TYR: variants seen among roughly 807,000 people sequenced by gnomAD.
TYR encodes tyrosinase, also known as LB24-AB.
A neutral mutation model predicts 51.5 loss-of-function variants in TYR; 58 were observed. The observed-to-expected ratio is 1.13, with a 90% CI of 0.91 to 1.40. TYR has a LOEUF of 1.40. TYR is among the 40% of genes most tolerant of loss of function. The probability of loss-of-function intolerance (pLI) is 0.00; values close to 1 mark genes in which losing one functional copy is unlikely to be tolerated. For missense variants in TYR, 732 were observed against 647.4 expected (o/e 1.13, Z -1.42); for synonymous variants, 263 against 235.2 (o/e 1.12, Z -1.08).
intron 3 of TYR, among the ~76,000 whole-genome samples, chr11:89,239,751 C>T (rs1216008876): frequency 6.6e-6 from 1 of 152,056 alleles, no homozygotes; most frequent in Non-Finnish European, 1.5e-5. Flanking sequence ...TCCATTTTCT[C>T]TTCTCTAAAG....
chr11:89,208,745 A>G (rs1943708325), intron 2 of TYR, among the ~76,000 whole-genome samples: 1 of 152,208 alleles, frequency 6.6e-6, no homozygotes, highest in Admixed American at 6.5e-5. Flanking sequence ...TACTTCTAAA[A>G]CATATCTAAT....
intron 2 of TYR, among the ~76,000 whole-genome samples, chr11:89,199,669 GCTC>G (rs1409037140): frequency 1.3e-5 from 2 of 152,110 alleles, no homozygotes; most frequent in African/African-American, 2.4e-5. Context: ...TGTACATCTA[GCTC>G]CTATTACATA....
chr11:89,178,769 G>T lies in TYR; in HGVS notation c.816G>T (p.Trp272Cys). ...LLSPASFFSSWQIVCSRLEEY... is the reference protein window; with the variant it reads ...LLSPASFFSSCQIVCSRLEEY... ...GCCCAGCATCATTCTTCTCCTCTTG[G>T]CAGGTAAGATATGCTAGATATACGA... Residue 272 changes from tryptophan to cysteine, a missense_variant, in exon 1 of 5, where the codon TGG becomes TGT. Coordinates refer to ENST00000263321, the MANE Select transcript of TYR (RefSeq NM_000372.5). 2 of 1,613,980 alleles carry T rather than the reference G, an allele frequency of 1.2e-6. No homozygotes were observed. Among genetic ancestry groups the T allele is most frequent in the Non-Finnish European group, 1.7e-6 (2 of 1,180,008 alleles).
intron 1 of TYR, among the ~76,000 whole-genome samples, chr11:89,190,883 T>C (rs1419386723): frequency 6.6e-6 from 1 of 152,176 alleles, no homozygotes; most frequent in African/African-American, 2.4e-5. Flanking sequence ...TATCTTACAA[T>C]TGCCTATAGT....
chr11:89,291,487 T>A (rs1944852811), intron 4 of TYR, among the ~76,000 whole-genome samples: 1 of 151,960 alleles, frequency 6.6e-6, no homozygotes, highest in Admixed American at 6.6e-5. Context: ...ACTTTTTTTT[T>A]ATTTTGGAAA....
At chr11:89,280,074 A>C (rs1249832717) in intron 3 of TYR, among the ~76,000 whole-genome samples, 1 of 151,530 alleles carries the variant, frequency 6.6e-6, no homozygotes, top group Non-Finnish European at 1.5e-5. Context: ...ATTTCAGTTG[A>C]CTACTCTGTT....
Position 89,284,945 on chromosome 11 carries a change from C to T in TYR, c.1357C>T (p.Gln453Ter), listed in dbSNP as rs62645924. 2 of 1,611,106 alleles carry T rather than the reference C, an allele frequency of 1.2e-6. No individual in the cohort carries two copies. Among genetic ancestry groups the T allele is most frequent in the South Asian group, 1.1e-5 (1 of 91,010 alleles). ...KDLGYDYSYL[Q>*]DSDPDSFQDY... ...TCTGGGCTATGACTATAGCTATCTA[C>T]AAGATTCAGGTAAAGTTTACTTTCT... is the stretch of plus-strand genomic sequence containing the variant. Residue 453 changes from glutamine to a stop codon, truncating the protein, a stop_gained, in exon 4 of 5, where the codon CAA (glutamine) becomes TAA (stop). Coordinates refer to ENST00000263321, the MANE Select transcript of TYR (RefSeq NM_000372.5). LOFTEE classifies it high-confidence loss of function.
chr11:89,258,906 G>A (rs1285576608), intron 3 of TYR, among the ~76,000 whole-genome samples: 1 of 152,100 alleles, frequency 6.6e-6, no homozygotes, highest in East Asian at 1.9e-4. Flanking sequence ...TCACTCAGCT[G>A]GAGTTACTCA....
chr11:89,252,470 A>T (rs1231765633), intron 3 of TYR, among the ~76,000 whole-genome samples: 1 of 151,736 alleles, frequency 6.6e-6, no homozygotes, highest in Non-Finnish European at 1.5e-5. Flanking sequence ...GTCCACATAA[A>T]TCAAAGACCC....
chr11:89,210,706 G>A (rs1197651720), intron 2 of TYR, among the ~76,000 whole-genome samples: 3 of 152,290 alleles, frequency 2.0e-5, no homozygotes, highest in African/African-American at 7.2e-5. Flanking sequence ...AGTGTTAAAG[G>A]CAGCCAGAGA....
At chr11:89,207,122 A>G (rs1213635212) in intron 2 of TYR, among the ~76,000 whole-genome samples, 1 of 152,036 alleles carries the variant, frequency 6.6e-6, no homozygotes, top group Non-Finnish European at 1.5e-5. Flanking sequence ...AATAATAAAG[A>G]TAGGAGCAGA....
chr11:89,249,072 T>C (rs1048369061), intron 3 of TYR, among the ~76,000 whole-genome samples: 2 of 152,002 alleles, frequency 1.3e-5, no homozygotes, highest in Non-Finnish European at 2.9e-5. Flanking sequence ...AAAGTTCTCT[T>C]TGAACATCTT....
At chr11:89,237,020 G>A (rs1486447022) in intron 3 of TYR, among the ~76,000 whole-genome samples, 1 of 152,058 alleles carries the variant, frequency 6.6e-6, no homozygotes, top group Non-Finnish European at 1.5e-5. Context: ...TTGGCAAATG[G>A]TACACGTCAG....
At chr11:89,238,883 C>A (rs1227626159) in intron 3 of TYR, among the ~76,000 whole-genome samples, 4 of 152,064 alleles carry the variant, frequency 2.6e-5, no homozygotes, top group Non-Finnish European at 5.9e-5. Flanking sequence ...ACAAATATAA[C>A]TGTGAAATTT....
At chr11:89,209,475 C>G (rs1943721296) in intron 2 of TYR, among the ~76,000 whole-genome samples, 1 of 152,214 alleles carries the variant, frequency 6.6e-6, no homozygotes, top group Admixed American at 6.5e-5. Context: ...CTGGGTGGAG[C>G]CCACTGCAGC....
At position 89,202,032 on chromosome 11, in the gene TYR, G is replaced by A. The variant is rs189301942; in HGVS notation, c.1036+10614G>A. Among the ~76,000 whole-genome samples, 22 of 152,184 alleles carry A rather than the reference G, an allele frequency of 1.4e-4. No individual in the cohort carries two copies. The East Asian group carries it at 4.2e-3, about 29-fold the overall frequency. On this transcript the variant is annotated intron_variant, in intron 2 of 4. Transcript: ENST00000263321. The stretch of plus-strand genomic sequence containing the variant: ...AGATTTTGGTTCAGTAGGTCTGGCA[G>A]TGGAAGTGGGGGTGTTTATGACCTC...
At chr11:89,256,220 T>G (rs1472847674) in intron 3 of TYR, among the ~76,000 whole-genome samples, 1 of 151,820 alleles carries the variant, frequency 6.6e-6, no homozygotes, top group Non-Finnish European at 1.5e-5. Flanking sequence ...TTACAAATAT[T>G]TTTAGAGCAA....
chr11:89,247,120 A>G (rs1944276843), intron 3 of TYR, among the ~76,000 whole-genome samples: 1 of 152,110 alleles, frequency 6.6e-6, no homozygotes, highest in Non-Finnish European at 1.5e-5. Flanking sequence ...ATATTTGTCT[A>G]TATTCTGACA....
chr11:89,287,317 C>T (rs560258351), intron 4 of TYR, among the ~76,000 whole-genome samples: 1 of 151,956 alleles, frequency 6.6e-6, no homozygotes, highest in African/African-American at 2.4e-5. Flanking sequence ...TGCCACACCT[C>T]TTAATACTCT....
Sources: gnomAD v4.1 joint callset for allele counts (sites outside exome capture counted in the v4.1 genomes callset) on GRCh38, gnomAD v4.1.1 for gene constraint, MANE v1.5 for transcripts, NCBI Gene and HGNC (gene_info 2026-07-23, HGNC 2026-07-21) for gene names.